The following PAX7 variants were observed in gnomAD, a reference collection of about 807,000 sequenced individuals.
PAX7 encodes paired box 7, also known as paired box protein Pax-7.
Under a neutral mutation model 50.7 loss-of-function variants are expected in PAX7, and 18 were observed. The ratio of observed to expected loss-of-function variants is 0.36; its 90% CI spans 0.25 to 0.53. The LOEUF (loss-of-function observed/expected upper bound fraction) is 0.53, where lower values mean the gene tolerates loss of function less well. Ranked by LOEUF, PAX7 falls within the 20% of genes least tolerant of loss-of-function variation. The pLI is 0.93. For missense variants in PAX7, 644 were observed against 702.9 expected (o/e 0.92, Z 0.95); for synonymous variants, 310 against 290.4 (o/e 1.07, Z -0.69).
intron 7 of PAX7, among the ~76,000 whole-genome samples, chr1:18,727,682 G>A (rs577462144): frequency 6.6e-6 from 1 of 152,344 alleles, no homozygotes; most frequent in East Asian, 1.9e-4. Context: ...GCTTGTGCAA[G>A]AGAATGCCAT....
chr1:18,650,185 C>T (rs2088409965), intron 4 of PAX7, among the ~76,000 whole-genome samples: 1 of 152,198 alleles, frequency 6.6e-6, no homozygotes, highest in East Asian at 1.9e-4. Context: ...AGCCCTCAGG[C>T]TGTGGTTATT....
intron 4 of PAX7, among the ~76,000 whole-genome samples, chr1:18,683,058 C>G (rs2088921843): frequency 6.6e-6 from 1 of 152,136 alleles, no homozygotes; most frequent in Non-Finnish European, 1.5e-5. Flanking sequence ...CAGCTACAGC[C>G]AGAAACCAGA....
Position 18,631,507 on chromosome 1 carries a change from C to T in PAX7, c.-97C>T. The T allele has an allele frequency of 9.8e-7, 1 of 1,021,720 alleles. No homozygotes were observed. Among genetic ancestry groups the T allele is most frequent in the Non-Finnish European group, 1.5e-6 (1 of 667,606 alleles). 63.3% of individuals were successfully genotyped at this position (1,021,720 alleles called of 1,614,324 possible). A position where few individuals can be genotyped will look rare whatever the true frequency, so the allele number is the denominator to read the frequency against. ...GGAGAAGAGGTTAAAAAAAAGAAGA[C>T]GAAGAAGACGGAAAGAAAGAGATCG... On this transcript the variant is annotated 5_prime_UTR_variant, in exon 1 of 9. In the 5' UTR this introduces an upstream ATG that the reference lacks. Transcript: ENST00000420770.
Position 18,655,770 on chromosome 1 carries a change from GGTGTGTGTGTGTGT to G in PAX7, c.586+19426_586+19439del, listed in dbSNP as rs549280757. The stretch of plus-strand genomic sequence containing the variant: ...AGAGCCACTGGGGAGACTTGGAGAG[GGTGTGTGTGTGTGT>G]GTGTGTGTGTGTGTGTGTGTGTGTG... On this transcript the variant is annotated intron_variant, in intron 4 of 8. Transcript: ENST00000420770. 2.2e-4 allele frequency among the ~76,000 whole-genome samples: 32 copies of G among 143,670 alleles called. 2 individuals are homozygous for G. The highest frequency in any genetic ancestry group is 1.4e-3 in the East Asian group (7 of 4,854). The allele number at this position is 143,670 out of a possible 152,430, so 94.3% of individuals were successfully genotyped here. A position where few individuals can be genotyped will look rare whatever the true frequency, so the allele number is the denominator to read the frequency against.
intron 4 of PAX7, among the ~76,000 whole-genome samples, chr1:18,637,931 C>T (rs968037503): frequency 1.3e-5 from 2 of 152,374 alleles, no homozygotes; most frequent in Non-Finnish European, 1.5e-5. Flanking sequence ...CACTGCCAAG[C>T]GGTCCTTGGC....
chr1:18,694,461 AAAATAAATAAATAAATAAATAAAT>A (rs61364336), intron 5 of PAX7, among the ~76,000 whole-genome samples: 5,668 of 139,726 alleles, frequency 0.041, 174 homozygotes, highest in South Asian at 0.064. Flanking sequence ...CTCTGTCTCG[AAAATAAATAAATAAATAAATAAAT>A]AAATAAATAA....
At chr1:18,736,183 G>A in intron 8 of PAX7, 1 of 595,520 alleles carries the variant, frequency 1.7e-6, no homozygotes, top group Non-Finnish European at 3.0e-6. Context: ...AGAAGAAACA[G>A]GCCAGGCGTG....
chr1:18,698,855 T>C (rs2089181284), intron 5 of PAX7, among the ~76,000 whole-genome samples: 1 of 152,214 alleles, frequency 6.6e-6, no homozygotes, highest in South Asian at 2.1e-4. Context: ...GCCTGCAAGC[T>C]GAACGCTGCT....
At chr1:18,712,862 G>A (rs533836591) in intron 7 of PAX7, among the ~76,000 whole-genome samples, 8 of 152,160 alleles carry the variant, frequency 5.3e-5, no homozygotes, top group East Asian at 3.9e-4. Context: ...CGGGCGGATC[G>A]CTTGAGGTCA....
At chr1:18,730,591 C>T (rs568050519) in intron 7 of PAX7, among the ~76,000 whole-genome samples, 32 of 151,686 alleles carry the variant, frequency 2.1e-4, no homozygotes, top group African/African-American at 6.8e-4. Context: ...TGCAGCCACA[C>T]TCCCAAAGCC....
At chr1:18,668,833 C>A (rs2088703397) in intron 4 of PAX7, among the ~76,000 whole-genome samples, 1 of 152,228 alleles carries the variant, frequency 6.6e-6, no homozygotes, top group Admixed American at 6.5e-5. Flanking sequence ...GGATTGGCAC[C>A]ACATTTCCCA....
At chr1:18,690,807 C>T (rs2089057863) in intron 4 of PAX7, among the ~76,000 whole-genome samples, 1 of 152,218 alleles carries the variant, frequency 6.6e-6, no homozygotes, top group African/African-American at 2.4e-5. Flanking sequence ...CTCAGAGACC[C>T]TGGGACATCC....
At chr1:18,643,946 G>A (rs558646993) in intron 4 of PAX7, among the ~76,000 whole-genome samples, 1 of 152,340 alleles carries the variant, frequency 6.6e-6, no homozygotes, top group Admixed American at 6.5e-5. Context: ...AGAGGGAGAG[G>A]CCGGGAACTG....
At chr1:18,714,138 C>T (rs963449172) in intron 7 of PAX7, among the ~76,000 whole-genome samples, 1 of 151,760 alleles carries the variant, frequency 6.6e-6, no homozygotes, top group African/African-American at 2.4e-5. Flanking sequence ...ACCCCGGAGG[C>T]GGGGGCTGCA....
At chr1:18,701,410 G>A (rs564872375) in intron 6 of PAX7, among the ~76,000 whole-genome samples, 23 of 151,878 alleles carry the variant, frequency 1.5e-4, no homozygotes, top group South Asian at 4.2e-4. Context: ...GAGTGTGTGC[G>A]TATGAGTGAG....
At chr1:18,703,009 G>A (rs755039749) in intron 6 of PAX7, 85 bp from the exon 7 acceptor site, 3 of 1,228,508 alleles carry the variant, frequency 2.4e-6, no homozygotes, top group Non-Finnish European at 2.3e-6. Context: ...GGGAGGAGGA[G>A]TCTCTTGGCT....
At chr1:18,740,323 A>G (rs1434387143) in intron 8 of PAX7, among the ~76,000 whole-genome samples, 1 of 152,128 alleles carries the variant, frequency 6.6e-6, no homozygotes, top group Non-Finnish European at 1.5e-5. Flanking sequence ...AGGGCCTGGC[A>G]AGCTCCTACT....
chr1:18,664,287 G>T (rs1420363462), intron 4 of PAX7, among the ~76,000 whole-genome samples: 3 of 152,226 alleles, frequency 2.0e-5, no homozygotes, highest in South Asian at 2.1e-4. Flanking sequence ...AGATGATCTC[G>T]TGCCTCTGAG....
chr1:18,636,646 G>A lies in PAX7; in HGVS notation c.586+275G>A, dbSNP rs932289713. ...GAGTCCCGGGAGAGCCCGGCTGCGG[G>A]GCTGCGCGCCTGGTCTACCCCAATA... On this transcript the variant is annotated intron_variant, in intron 4 of 8. Transcript: ENST00000420770. This position sits in a 1 kb window ranked among gnomAD's most constrained non-coding sequence, Gnocchi z 5.1. Among the ~76,000 whole-genome samples the A allele has an allele frequency of 6.6e-6, 1 of 152,188 alleles. No homozygotes were observed. Among genetic ancestry groups the A allele is most frequent in the Non-Finnish European group, 1.5e-5 (1 of 68,028 alleles).
Sources: allele counts gnomAD v4.1 joint callset (sites outside exome capture counted in the v4.1 genomes callset), GRCh38; gene constraint gnomAD v4.1.1; non-coding constraint Gnocchi (gnomAD v3.1); transcripts MANE v1.5; gene names NCBI Gene and HGNC (gene_info 2026-07-23, HGNC 2026-07-21).